TXNRD3: variants seen among roughly 807,000 people sequenced by gnomAD.
The protein encoded by TXNRD3 is TXNRD3 neighbor gene protein.
Under a neutral mutation model 78.2 loss-of-function variants are expected in TXNRD3, and 68 were observed. The ratio of observed to expected loss-of-function variants is 0.87; its 90% CI spans 0.72 to 1.06. The LOEUF (loss-of-function observed/expected upper bound fraction) is 1.06. Among genes scored for constraint, TXNRD3 ranks in the 50% least tolerant of loss-of-function variants. The pLI is 0.00. For missense variants in TXNRD3, 751 were observed against 809.5 expected (o/e 0.93, Z 0.88); for synonymous variants, 296 against 300.1 (o/e 0.99, Z 0.14).
At chr3:126,636,925 A>T (rs1356896493) in intron 6 of TXNRD3, among the ~76,000 whole-genome samples, 4 of 140,858 alleles carry the variant, frequency 2.8e-5, no homozygotes, top group Non-Finnish European at 4.7e-5. Context: ...TTCTTTTGTG[A>T]TTTTTTTTTT....
intron 3 of TXNRD3, 90 bp downstream of exon 3, chr3:126,646,021 G>A (rs1933220589): frequency 1.0e-5 from 9 of 902,864 alleles, no homozygotes; most frequent in Non-Finnish European, 1.4e-5. Flanking sequence ...CAAAAGATGA[G>A]TGGACTCCTA....
chr3:126,632,212 CAT>C (rs1486202079), intron 7 of TXNRD3, among the ~76,000 whole-genome samples: 2 of 152,056 alleles, frequency 1.3e-5, no homozygotes, highest in Non-Finnish European at 2.9e-5. Flanking sequence ...CACAAAAGCA[CAT>C]GAGCCCAGGA....
At chr3:126,626,708 A>G (rs1170531529) in intron 10 of TXNRD3, among the ~76,000 whole-genome samples, 1 of 152,242 alleles carries the variant, frequency 6.6e-6, no homozygotes, top group East Asian at 1.9e-4. Context: ...TGGCATAATC[A>G]TTGGGAAACT....
chr3:126,608,534 C>T lies in TXNRD3; in HGVS notation c.1828G>A (p.Asp610Asn). 6.5e-7 allele frequency: 1 copy of T among 1,535,844 alleles called. No homozygotes were observed. ...GTGGGGTGAATTCCAATGGTGTCAT[C>T]AAGTAGCTGTTTTGTGAGCCCACAT... The change falls in exon 15 of 16, where the codon GAT becomes AAT. Residue 610 changes from aspartate to asparagine, a missense_variant. Transcript: ENST00000524230.
At chr3:126,634,153 CAAG>C (rs1938794109) in intron 6 of TXNRD3, 102 bp from the exon 7 acceptor site, 2 of 1,056,602 alleles carry the variant, frequency 1.9e-6, no homozygotes, top group Non-Finnish European at 2.5e-6. Context: ...CTTTAAAAAT[CAAG>C]AAGTAGACAA....
chr3:126,621,721 CA>C lies in TXNRD3; in HGVS notation c.1524+20del. On this transcript the variant is annotated intron_variant, in intron 12 of 15. Coordinates refer to ENST00000524230, the MANE Select transcript of TXNRD3 (RefSeq NM_052883.3). ...CATGATCTTGATCAGGACATTATCTCAAAAACAGTAAGAAACTTACCTTTTC... is the reference window on the plus strand; with the variant it reads ...CATGATCTTGATCAGGACATTATCTCAAAACAGTAAGAAACTTACCTTTTC... 2 of 1,471,378 alleles carry C rather than the reference CA, an allele frequency of 1.4e-6. No individual in the cohort carries two copies. Among genetic ancestry groups the C allele is most frequent in the Non-Finnish European group, 1.8e-6 (2 of 1,120,434 alleles). 91.1% of individuals were successfully genotyped at this position (1,471,378 alleles called of 1,614,324 possible). A position where few individuals can be genotyped will look rare whatever the true frequency, so the allele number is the denominator to read the frequency against.
chr3:126,618,866 A>AT (rs1300152388), intron 12 of TXNRD3, among the ~76,000 whole-genome samples: 4 of 148,888 alleles, frequency 2.7e-5, no homozygotes, highest in Admixed American at 2.0e-4. Flanking sequence ...TCAGAGCCAA[A>AT]AAAAAAAAAA....
At position 126,648,113 on chromosome 3, in the gene TXNRD3, T is replaced by G. The variant is rs114582694; in HGVS notation, c.244-817A>C. ...CCAAAATAGAAATTGAGAAAAAAAA[T>G]TTCATTTATAATAGCAACAAGAAGA... is the stretch of plus-strand genomic sequence containing the variant. On this transcript the variant is annotated intron_variant, in intron 1 of 15. Coordinates refer to ENST00000524230, the MANE Select transcript of TXNRD3 (RefSeq NM_052883.3). Among the ~76,000 whole-genome samples the G allele has an allele frequency of 8.0e-3, 1,222 of 152,080 alleles. 9 individuals are homozygous for G. The highest frequency in any genetic ancestry group is 0.014 in the Non-Finnish European group (978 of 67,966).
At chr3:126,612,536 T>A (rs1042063326) in intron 13 of TXNRD3, among the ~76,000 whole-genome samples, 1 of 152,138 alleles carries the variant, frequency 6.6e-6, no homozygotes, top group East Asian at 1.9e-4. Context: ...TGGAGTGCAG[T>A]GGCACAAACT....
intron 14 of TXNRD3, 90 bp from the exon 15 acceptor site, chr3:126,608,723 C>T (rs1938122523): frequency 2.9e-6 from 4 of 1,359,964 alleles, no homozygotes; most frequent in East Asian, 2.6e-5. Context: ...TTAAAATATA[C>T]AGTATCTACT....
chr3:126,650,599 C>T (rs1933364922), intron 1 of TXNRD3, among the ~76,000 whole-genome samples: 1 of 151,864 alleles, frequency 6.6e-6, no homozygotes, highest in African/African-American at 2.4e-5. Flanking sequence ...CAAGATCAAG[C>T]CACTGCACTC....
chr3:126,608,424 T>G, intron 15 of TXNRD3, 75 bp downstream of exon 15: 1 of 1,381,430 alleles, frequency 7.2e-7, no homozygotes, highest in Non-Finnish European at 9.5e-7. Context: ...TATGACATCT[T>G]TCTGACAAGT....
At chr3:126,643,179 T>G (rs191340798) in intron 5 of TXNRD3, among the ~76,000 whole-genome samples, 2 of 152,228 alleles carry the variant, frequency 1.3e-5, no homozygotes, top group East Asian at 3.9e-4. Flanking sequence ...CCTCTTCCCC[T>G]TACCCCAAAG....
chr3:126,631,671 T>C (rs939317619), intron 8 of TXNRD3, 93 bp downstream of exon 8: 1 of 773,446 alleles, frequency 1.3e-6, no homozygotes, highest in Admixed American at 2.6e-5. Context: ...TTAATTCAAA[T>C]CTTTTGTGGA....
chr3:126,651,381 A>G (rs1237293888), intron 1 of TXNRD3, among the ~76,000 whole-genome samples: 2 of 152,220 alleles, frequency 1.3e-5, no homozygotes, highest in African/African-American at 4.8e-5. Context: ...TCACTTAAAA[A>G]AATTCCAATA....
rs560889115 is a variant in TXNRD3, at chr3:126,628,746, A to C, written c.1290+633T>G. ...TATTGCAAAGAAGTCAAGTGTTTCCAAATTTTCCTATATATCCAATCCAAT... is the reference window on the plus strand; with the variant it reads ...TATTGCAAAGAAGTCAAGTGTTTCCCAATTTTCCTATATATCCAATCCAAT... On this transcript the variant is annotated intron_variant, in intron 10 of 15. Transcript: ENST00000524230. Among the ~76,000 whole-genome samples the C allele has an allele frequency of 1.5e-3, 223 of 152,246 alleles. 2 individuals carry two copies. The highest frequency in any genetic ancestry group is 5.0e-3 in the African/African-American group (208 of 41,586).
chr3:126,644,416 C>T lies in TXNRD3; in HGVS notation c.415-15G>A. On this transcript the variant is annotated splice_polypyrimidine_tract_variant and intron_variant, in intron 3 of 15. Transcript: ENST00000524230. Reference sequence around the variant, plus strand: ...CTCTGATATGCCTATGGTTTAATTACAGGAGAAAGAACACTGCAGAATTTA... The same window carrying T: ...CTCTGATATGCCTATGGTTTAATTATAGGAGAAAGAACACTGCAGAATTTA... The T allele has an allele frequency of 6.6e-7, 1 of 1,518,160 alleles. No individual in the cohort carries two copies. The highest frequency in any genetic ancestry group is 8.8e-7 in the Non-Finnish European group (1 of 1,131,306). The allele number at this position is 1,518,160 out of a possible 1,614,324, so 94.0% of individuals were successfully genotyped here.
At chr3:126,651,065 T>C (rs1021905451) in intron 1 of TXNRD3, among the ~76,000 whole-genome samples, 1 of 152,148 alleles carries the variant, frequency 6.6e-6, no homozygotes, top group African/African-American at 2.4e-5. Flanking sequence ...AGCAGCCCAA[T>C]GAAGAAACAA....
intron 8 of TXNRD3, 123 bp downstream of exon 8, chr3:126,631,641 A>G: frequency 1.5e-6 from 1 of 668,750 alleles, no homozygotes; most frequent in Non-Finnish European, 2.5e-6. Context: ...AGCTTCTTGC[A>G]TTGTATATAT....
Sources: gnomAD v4.1 joint callset for allele counts (sites outside exome capture counted in the v4.1 genomes callset) on GRCh38, gnomAD v4.1.1 for gene constraint, MANE v1.5 for transcripts, NCBI Gene and HGNC (gene_info 2026-07-23, HGNC 2026-07-21) for gene names.